L1TD1: variants seen among roughly 807,000 people sequenced by gnomAD.
L1TD1 encodes LINE-1 type transposase domain-containing protein 1.
A neutral mutation model predicts 25.7 loss-of-function variants in L1TD1; 26 were observed. That is an observed-to-expected ratio of 1.01 (90% CI 0.74 to 1.40). The LOEUF (loss-of-function observed/expected upper bound fraction) is 1.40, where lower values mean the gene tolerates loss of function less well. Ranked by LOEUF, L1TD1 falls within the 40% of genes most tolerant of loss-of-function variation. The pLI is 0.00. For synonymous variants in L1TD1, 421 were observed against 335.6 expected (o/e 1.25, Z -2.78); for missense variants, 1,130 against 975.0 (o/e 1.16, Z -2.12).
intron 1 of L1TD1, among the ~76,000 whole-genome samples, chr1:62,195,368 C>T (rs1181507483): frequency 1.3e-5 from 2 of 152,258 alleles, no homozygotes; most frequent in Non-Finnish European, 2.9e-5. Context: ...TAAGACTTAT[C>T]TATCCCCAAA....
chr1:62,205,380 T>TCCCTCTCTCC (rs1244471239), intron 2 of L1TD1, among the ~76,000 whole-genome samples: 1 of 79,216 alleles, frequency 1.3e-5, no homozygotes, highest in African/African-American at 4.9e-5. Flanking sequence ...TCTTTCTCTC[T>TCCCTCTCTCC]CTCTCTCTTT....
Position 62,207,277 on chromosome 1 carries a change from T to C in L1TD1, c.649T>C (p.Phe217Leu), listed in dbSNP as rs376696906. 1.3e-6 allele frequency: 2 copies of C among 1,550,518 alleles called. No individual in the cohort carries two copies. The highest frequency in any genetic ancestry group is 1.2e-5 in the South Asian group (1 of 83,892). ...FVKEMREERK[F>L]QKLKNKEEVL... Reference sequence around the variant, plus strand: ...CAAAGAAATGAGAGAGGAAAGAAAATTTCAGAAATTGAAGAATAAAGAGGA... The same window carrying C: ...CAAAGAAATGAGAGAGGAAAGAAAACTTCAGAAATTGAAGAATAAAGAGGA... Residue 217 changes from phenylalanine (F) to leucine (L), a missense_variant, in exon 3 of 4, where the codon TTT (phenylalanine) becomes CTT (leucine). Coordinates refer to ENST00000498273, the MANE Select transcript of L1TD1 (RefSeq NM_019079.5).
rs147444396 is a variant in L1TD1 at position 62,199,354 on chromosome 1, C to T, written c.-111+2826C>T. Among the ~76,000 whole-genome samples the T allele has an allele frequency of 8.5e-3, 1,292 of 152,030 alleles. 13 individuals carry two copies. Among genetic ancestry groups the T allele is most frequent in the African/African-American group, 0.03 (1,239 of 41,468 alleles). On this transcript the variant is annotated intron_variant, in intron 2 of 3. Transcript: ENST00000498273. The stretch of plus-strand genomic sequence containing the variant: ...CTCTACTAAAAATACAAAAATTAGC[C>T]GGGCATGGTGGCGTGTGCCTGTTGT...
chr1:62,207,526 A>T lies in L1TD1; in HGVS notation c.898A>T (p.Arg300Ter). ...GACATTTTCAGATCTGCAAAGCCTT[A>T]GAAAATTTGCCAGCCAAAAATCTTC... ...IKTFSDLQSL[R>*]KFASQKSSVK... The change falls in exon 3 of 4, where the codon AGA becomes TGA. Residue 300 changes from arginine to a stop codon, truncating the protein, a stop_gained. Coordinates refer to ENST00000498273, the MANE Select transcript of L1TD1 (RefSeq NM_019079.5). LOFTEE classifies it high-confidence loss of function. The T allele has an allele frequency of 6.4e-7, 1 of 1,551,564 alleles. No homozygotes were observed. The highest frequency in any genetic ancestry group is 1.2e-5 in the South Asian group (1 of 84,040).
In L1TD1 at chr1:62,212,150, C is replaced by T. The variant is rs41312734; in HGVS notation, c.*778C>T. ...GTGCTCAGTTCCTCATACCTGTAAT[C>T]CCAGCAGTTTAGGGGGCCAAGGCAG... On this transcript the variant is annotated 3_prime_UTR_variant, in exon 4 of 4. Transcript: ENST00000498273. 0.14 allele frequency: 22,044 copies of T among 152,080 alleles called. 1,664 individuals are homozygous for T. Among genetic ancestry groups the T allele is most frequent in the Admixed American group, 0.19 (2,824 of 15,260 alleles). 9.4% of individuals were successfully genotyped at this position (152,080 alleles called of 1,614,324 possible). A position where few individuals can be genotyped will look rare whatever the true frequency, so the allele number is the denominator to read the frequency against.
intron 3 of L1TD1, chr1:62,208,397 T>A (rs566596026): frequency 6.6e-6 from 1 of 152,278 alleles, no homozygotes; most frequent in South Asian, 2.1e-4. Context: ...CTTGATCACC[T>A]TGTTGCCCTT....
Position 62,211,996 on chromosome 1 carries a change from G to T in L1TD1, c.*624G>T, listed in dbSNP as rs77228884. The T allele has an allele frequency of 0.038, 5,757 of 149,626 alleles. 122 individuals carry two copies. Among genetic ancestry groups the T allele is most frequent in the East Asian group, 0.073 (377 of 5,176 alleles). The allele number at this position is 149,626 out of a possible 1,614,324, so 9.3% of individuals were successfully genotyped here. On this transcript the variant is annotated 3_prime_UTR_variant, in exon 4 of 4. Coordinates refer to ENST00000498273, the MANE Select transcript of L1TD1 (RefSeq NM_019079.5). ...AAGTATATTGTGCTAGCTTGTCTAA[G>T]AATAAACTTCTATACTGTTGGGGGA...
At chr1:62,197,106 C>T (rs1461455633) in intron 2 of L1TD1, among the ~76,000 whole-genome samples, 3 of 152,068 alleles carry the variant, frequency 2.0e-5, no homozygotes, top group East Asian at 3.9e-4. Flanking sequence ...AAAGGTAGGG[C>T]CAGGTGTGGT....
intron 2 of L1TD1, among the ~76,000 whole-genome samples, chr1:62,205,418 T>TCTCTCTCTAC (rs1670722325): frequency 5.3e-5 from 1 of 18,734 alleles, no homozygotes; most frequent in African/African-American, 2.9e-4. Context: ...TCTCTCTCTC[T>TCTCTCTCTAC]ATATATATAT....
chr1:62,197,906 A>C (rs566742456), intron 2 of L1TD1, among the ~76,000 whole-genome samples: 1 of 149,426 alleles, frequency 6.7e-6, no homozygotes, highest in African/African-American at 2.5e-5. Flanking sequence ...AAAACAAAAC[A>C]AAACCCTGTA....
rs752333688 is a variant in L1TD1, at chr1:62,211,351, A to T, written c.2577A>T (p.Leu859Phe). ...TGCATATGCCCACCTTGAGAGAATTACTGGGGAATAATATACCTTAGCACG... is the reference window on the plus strand; with the variant it reads ...TGCATATGCCCACCTTGAGAGAATTTCTGGGGAATAATATACCTTAGCACG... The part of the protein sequence containing the change: ...YVLHMPTLRE[L>F]LGNNIP The change falls in exon 4 of 4, where the codon TTA (leucine) becomes TTT (phenylalanine). Residue 859 changes from leucine to phenylalanine, a missense_variant. Leu to Phe is a conservative substitution (Grantham distance 22, BLOSUM62 0). Coordinates refer to ENST00000498273, the MANE Select transcript of L1TD1 (RefSeq NM_019079.5). The T allele has an allele frequency of 1.1e-5, 18 of 1,607,386 alleles. No individual in the cohort carries two copies. The highest frequency in any genetic ancestry group is 1.4e-5 in the Non-Finnish European group (16 of 1,177,022).
chr1:62,195,356 C>T (rs1220465416), intron 1 of L1TD1, among the ~76,000 whole-genome samples: 3 of 152,236 alleles, frequency 2.0e-5, no homozygotes, highest in Admixed American at 6.5e-5. Flanking sequence ...AAAAAACTCT[C>T]CTAAGACTTA....
chr1:62,210,484 A>G lies in L1TD1; in HGVS notation c.1710A>G (p.Lys570=), dbSNP rs1427860299. 2 of 1,614,162 alleles carry G rather than the reference A, an allele frequency of 1.2e-6. No individual in the cohort carries two copies. The change falls in exon 4 of 4, where the codon AAA becomes AAG. Residue 570 remains lysine, a synonymous_variant. Transcript: ENST00000498273. ...TAGAGATGAGTCATGATGAGCATAA[A>G]AAGCATTCACATACAAATTTGAGTA... ...KSLEMSHDEH[K]KHSHTNLSIS...
Position 62,201,593 on chromosome 1 carries a change from CTCT to C in L1TD1, c.-110-4924_-110-4922del, listed in dbSNP as rs534976534. On this transcript the variant is annotated intron_variant, in intron 2 of 3. Coordinates refer to ENST00000498273, the MANE Select transcript of L1TD1 (RefSeq NM_019079.5). ...ATATTTTCCCCCATTTGTTTAATCT[CTCT>C]TTTTTCTTTCTTAGTTGTTTGCTGT... 3.3e-3 allele frequency among the ~76,000 whole-genome samples: 498 copies of C among 151,792 alleles called. 5 individuals are homozygous for C. The highest frequency in any genetic ancestry group is 0.012 in the African/African-American group (484 of 41,406).
intron 2 of L1TD1, among the ~76,000 whole-genome samples, chr1:62,197,668 C>A (rs1670570108): frequency 6.6e-6 from 1 of 151,884 alleles, no homozygotes; most frequent in South Asian, 2.1e-4. Context: ...CACCTGAGGT[C>A]TGGAGCTGGA....
At chr1:62,201,549 C>T (rs940720496) in intron 2 of L1TD1, among the ~76,000 whole-genome samples, 3 of 149,394 alleles carry the variant, frequency 2.0e-5, no homozygotes, top group African/African-American at 7.4e-5. Flanking sequence ...AAGAACTCAT[C>T]ACCTAGATTC....
intron 2 of L1TD1, among the ~76,000 whole-genome samples, chr1:62,198,400 G>A (rs1415693405): frequency 1.3e-5 from 2 of 151,394 alleles, no homozygotes; most frequent in Non-Finnish European, 2.9e-5. Context: ...GGCCTCAGAG[G>A]TCAGATAATA....
At chr1:62,200,824 T>A (rs1176061874) in intron 2 of L1TD1, among the ~76,000 whole-genome samples, 1 of 152,190 alleles carries the variant, frequency 6.6e-6, no homozygotes, top group African/African-American at 2.4e-5. Flanking sequence ...TATTATGTAC[T>A]CAACTCCTGG....
At chr1:62,195,476 G>C (rs900070780) in intron 1 of L1TD1, among the ~76,000 whole-genome samples, 2 of 152,376 alleles carry the variant, frequency 1.3e-5, no homozygotes, top group Non-Finnish European at 2.9e-5. Context: ...TGGAGGGGCC[G>C]GGAGCAGTGG....
Sources: gnomAD v4.1 joint callset for allele counts (sites outside exome capture counted in the v4.1 genomes callset) on GRCh38, gnomAD v4.1.1 for gene constraint, MANE v1.5 for transcripts, NCBI Gene and HGNC (gene_info 2026-07-23, HGNC 2026-07-21) for gene names.